Variants in PCDHA2 observed in about 807,000 individuals in gnomAD.
The protein encoded by PCDHA2 is protocadherin alpha 2, also known as protocadherin alpha-2.
In PCDHA2, 58 loss-of-function variants were observed where a neutral mutation model predicts 66.0. The ratio of observed to expected loss-of-function variants is 0.88; its 90% CI spans 0.71 to 1.09. The LOEUF is 1.09. Ranked by LOEUF, PCDHA2 falls within the 50% of genes least tolerant of loss-of-function variation. PCDHA2 has a pLI of 0.00. For missense variants in PCDHA2, 1,267 were observed against 1,242.3 expected, an observed-to-expected ratio of 1.02 and a Z score of -0.30; for synonymous variants, 634 against 554.0, an observed-to-expected ratio of 1.14 and a Z score of -2.03.
chr5:140,968,295 A>G lies in PCDHA2; in HGVS notation c.2389-10654A>G, dbSNP rs782722853. 4 of 1,613,916 alleles carry G rather than the reference A, an allele frequency of 2.5e-6. No homozygotes were observed. The Admixed American group carries it at 5.0e-5, about 20-fold the overall frequency. ...GCAGAGGTGACCTACTCCCTTCTGG[A>G]GAGGGAGATTCAAGGGCTGCCAGTC... On this transcript the variant is annotated intron_variant, in intron 1 of 3. Coordinates refer to ENST00000526136, the MANE Select transcript of PCDHA2 (RefSeq NM_018905.3).
chr5:140,995,324 G>A (rs1290299693), intron 3 of PCDHA2, among the ~76,000 whole-genome samples: 1 of 152,190 alleles, frequency 6.6e-6, no homozygotes, highest in African/African-American at 2.4e-5. Context: ...GAACTAACAG[G>A]TGAGTAGTGT....
intron 1 of PCDHA2, among the ~76,000 whole-genome samples, chr5:140,899,424 T>A (rs1437811361): frequency 6.6e-6 from 1 of 152,206 alleles, no homozygotes; most frequent in African/African-American, 2.4e-5. Flanking sequence ...TTGTCAAAGG[T>A]CTTTTCTGCA....
intron 1 of PCDHA2, among the ~76,000 whole-genome samples, chr5:140,942,896 C>CT (rs1554215262): frequency 6.6e-6 from 1 of 151,664 alleles, no homozygotes; most frequent in African/African-American, 2.4e-5. Flanking sequence ...AAATTTATCT[C>CT]TAAGAATAAG....
chr5:140,870,608 C>A (rs1408684171), intron 1 of PCDHA2: 1 of 1,613,106 alleles, frequency 6.2e-7, no homozygotes, highest in African/African-American at 1.3e-5. Flanking sequence ...GGCGACCGCG[C>A]GCTGTCGAGC....
chr5:140,871,473 A>G, intron 1 of PCDHA2: 2 of 1,600,218 alleles, frequency 1.2e-6, no homozygotes, highest in African/African-American at 1.3e-5. Flanking sequence ...GACAGGAGCC[A>G]GGGTCAAATC....
chr5:140,812,105 AG>A (rs2126635357), intron 1 of PCDHA2: 2 of 151,698 alleles, frequency 1.3e-5, no homozygotes, highest in South Asian at 2.1e-4. Context: ...CTTCTTTAAA[AG>A]TTTGGTAGAA....
Position 140,844,029 on chromosome 5 carries a change from A to C in PCDHA2, c.2388+46677A>C, listed in dbSNP as rs1554140517. Among the ~76,000 whole-genome samples the C allele has an allele frequency of 2.7e-5, 4 of 149,808 alleles. 1 individual carries two copies. The East Asian group carries it at 7.7e-4, about 29-fold the overall frequency. On this transcript the variant is annotated intron_variant, in intron 1 of 3. Coordinates refer to ENST00000526136, the MANE Select transcript of PCDHA2 (RefSeq NM_018905.3). ...CTCTAAGGACGTTCAGGGCATTTTG[A>C]TCTTTGGTGAAAGTATTCCCCCAAA...
chr5:140,929,077 A>C, intron 1 of PCDHA2: 1 of 1,614,168 alleles, frequency 6.2e-7, no homozygotes, highest in Non-Finnish European at 8.5e-7. Flanking sequence ...GAGGTATGGA[A>C]GTAAGATGGT....
chr5:140,865,725 A>T (rs1326307411), intron 1 of PCDHA2: 1 of 152,210 alleles, frequency 6.6e-6, no homozygotes, highest in Non-Finnish European at 1.5e-5. Context: ...AGAAGCTGAG[A>T]TGTGTATCTA....
intron 1 of PCDHA2, chr5:140,841,804 T>C (rs2150322982): frequency 1.2e-6 from 2 of 1,613,912 alleles, no homozygotes; most frequent in Non-Finnish European, 1.7e-6. Context: ...CCGATGCAGA[T>C]GTTGGAGCTA....
chr5:140,860,083 G>T (rs781794157), intron 1 of PCDHA2: 12 of 151,782 alleles, frequency 7.9e-5, no homozygotes, highest in Non-Finnish European at 1.5e-4. Context: ...GAGGCCAGGA[G>T]TTCAAGACCA....
intron 1 of PCDHA2, chr5:140,857,987 C>T: frequency 6.3e-7 from 1 of 1,596,876 alleles, no homozygotes; most frequent in Admixed American, 1.7e-5. Context: ...CCAGCGCCTA[C>T]TGGTGCTGGT....
Position 140,927,865 on chromosome 5 carries a change from A to G in PCDHA2, c.2389-51084A>G, listed in dbSNP as rs576160357. 6.8e-6 allele frequency: 11 copies of G among 1,614,110 alleles called. No homozygotes were observed. In the Admixed American group the frequency reaches 1.3e-4, roughly 20 times the overall value. On this transcript the variant is annotated intron_variant, in intron 1 of 3. Transcript: ENST00000526136. Reference sequence around the variant, plus strand: ...TGTCTTTGGTTTAGCTAGCACCGCTAAACTGCTGGTGGAGGTGACTGACGT... The same window carrying G: ...TGTCTTTGGTTTAGCTAGCACCGCTGAACTGCTGGTGGAGGTGACTGACGT...
intron 3 of PCDHA2, among the ~76,000 whole-genome samples, chr5:141,004,852 GA>G (rs1474938614): frequency 6.6e-6 from 1 of 152,202 alleles, no homozygotes; most frequent in African/African-American, 2.4e-5. Flanking sequence ...TAGTCTCAGA[GA>G]AAAAATTTGT....
chr5:140,910,976 A>G (rs1265082758), intron 1 of PCDHA2, among the ~76,000 whole-genome samples: 1 of 152,058 alleles, frequency 6.6e-6, no homozygotes, highest in Non-Finnish European at 1.5e-5. Context: ...CTCATGGGTT[A>G]TACTCTGAAC....
At chr5:140,996,987 A>G (rs1554255592) in intron 3 of PCDHA2, among the ~76,000 whole-genome samples, 1 of 152,134 alleles carries the variant, frequency 6.6e-6, no homozygotes, top group African/African-American at 2.4e-5. Context: ...TGAAGCAACC[A>G]CTGTTAACAA....
In PCDHA2 at chr5:140,837,615, CCCTT is replaced by C. The variant is rs2150277487; in HGVS notation, c.2388+40280_2388+40283del. Among the ~76,000 whole-genome samples, 57 of 145,918 alleles carry C rather than the reference CCCTT, an allele frequency of 3.9e-4. 2 individuals carry two copies. Among genetic ancestry groups the C allele is most frequent in the South Asian group, 6.5e-4 (3 of 4,612 alleles). On this transcript the variant is annotated intron_variant, in intron 1 of 3. Coordinates refer to ENST00000526136, the MANE Select transcript of PCDHA2 (RefSeq NM_018905.3). ...CCAATATATATATTTTATAATTTGC[CCCTT>C]CCTTCCTTCCTTCCTTTCTTTCTTT...
chr5:140,884,295 C>T, intron 1 of PCDHA2: 3 of 1,613,680 alleles, frequency 1.9e-6, no homozygotes, highest in South Asian at 2.2e-5. Context: ...GGCCAAGCGC[C>T]ACAGGCTTCG....
chr5:140,821,763 G>T (rs1166758785), intron 1 of PCDHA2: 26 of 1,591,652 alleles, frequency 1.6e-5, no homozygotes, highest in Non-Finnish European at 2.2e-5. Context: ...CTCATAATTG[G>T]AACGAGATTG....
Sources: gnomAD v4.1 joint callset for allele counts (sites outside exome capture counted in the v4.1 genomes callset) on GRCh38, gnomAD v4.1.1 for gene constraint, MANE v1.5 for transcripts, NCBI Gene and HGNC (gene_info 2026-07-23, HGNC 2026-07-21) for gene names.